The following RPRD2 variants were observed in gnomAD, a reference collection of about 807,000 sequenced individuals.
RPRD2 encodes the protein regulation of nuclear pre-mRNA domain-containing protein 2.
RPRD2 carries 12 observed loss-of-function variants against 104.4 expected under a neutral mutation model. The observed-to-expected ratio is 0.11, with a 90% confidence interval of 0.07 to 0.19. The LOEUF (loss-of-function observed/expected upper bound fraction) is 0.19. RPRD2 is among the 10% of genes least tolerant of loss of function. The probability of loss-of-function intolerance (pLI) is 1.00; values close to 1 mark genes in which losing one functional copy is unlikely to be tolerated. For synonymous variants in RPRD2, 714 were observed against 684.9 expected, an observed-to-expected ratio of 1.04 and a Z score of -0.66; for missense variants, 1,543 against 1,790.1, an observed-to-expected ratio of 0.86 and a Z score of 2.49.
rs1553899570 is a variant in RPRD2 at position 150,464,741 on chromosome 1, G to C, written c.1612+14G>C. The C allele has an allele frequency of 1.3e-6, 2 of 1,595,910 alleles. No individual in the cohort carries two copies. The highest frequency in any genetic ancestry group is 1.7e-6 in the Non-Finnish European group (2 of 1,167,124). ...CTGCACTGCAAGGTAACTGACATAT[G>C]CCAGAGGGACTCGAATTGTGAATGT... is the stretch of plus-strand genomic sequence containing the variant. On this transcript the variant is annotated intron_variant, in intron 10 of 10. Coordinates refer to ENST00000369068, the MANE Select transcript of RPRD2 (RefSeq NM_015203.5).
At chr1:150,395,730 C>T (rs1302471972) in intron 1 of RPRD2, among the ~76,000 whole-genome samples, 2 of 152,022 alleles carry the variant, frequency 1.3e-5, no homozygotes, top group African/African-American at 2.4e-5. Context: ...AGGCTGGTCT[C>T]GAACTCCTGA....
chr1:150,364,700 G>A lies in RPRD2; in HGVS notation c.-15G>A. ...CGCCGCCAGAGGAGCAGCAGCGCTT[G>A]TGCAAACCGGGAAGATGGCGGCCGG... On this transcript the variant is annotated 5_prime_UTR_variant, in exon 1 of 11. The change creates a new upstream start codon in the 5' untranslated region. Transcript: ENST00000369068. The A allele has an allele frequency of 6.6e-7, 1 of 1,526,574 alleles. No individual in the cohort carries two copies. The highest frequency in any genetic ancestry group is 2.0e-5 in the Admixed American group (1 of 50,764). The allele number at this position is 1,526,574 out of a possible 1,614,324, so 94.6% of individuals were successfully genotyped here. A position where few individuals can be genotyped will look rare whatever the true frequency, so the allele number is the denominator to read the frequency against.
intron 10 of RPRD2, 108 bp from the exon 11 acceptor site, chr1:150,470,453 C>T: frequency 8.6e-7 from 1 of 1,163,660 alleles, no homozygotes; most frequent in Non-Finnish European, 1.2e-6. Context: ...TACACTTTGT[C>T]TATCTGGTTC....
chr1:150,438,370 A>G (rs1354397261), intron 2 of RPRD2, among the ~76,000 whole-genome samples: 1 of 152,052 alleles, frequency 6.6e-6, no homozygotes, highest in Non-Finnish European at 1.5e-5. Context: ...TCACACCTGT[A>G]ATCCCAGCAC....
intron 7 of RPRD2, among the ~76,000 whole-genome samples, chr1:150,450,546 C>T (rs1667090179): frequency 7.4e-6 from 1 of 134,880 alleles, no homozygotes; most frequent in Non-Finnish European, 1.5e-5. Context: ...GCGGAGCTTG[C>T]AGTGAGCCGA....
intron 10 of RPRD2, among the ~76,000 whole-genome samples, chr1:150,465,796 C>T (rs896610503): frequency 2.0e-5 from 3 of 152,062 alleles, no homozygotes; most frequent in Non-Finnish European, 2.9e-5. Flanking sequence ...CAGTTGCTCA[C>T]GCCTGTAATC....
chr1:150,391,831 C>G (rs1553883201), intron 1 of RPRD2, among the ~76,000 whole-genome samples: 14 of 152,006 alleles, frequency 9.2e-5, no homozygotes. Flanking sequence ...TCACTTGAAC[C>G]TGGGAGGCAG....
chr1:150,461,415 A>C (rs1195272313), intron 9 of RPRD2, among the ~76,000 whole-genome samples: 1 of 152,244 alleles, frequency 6.6e-6, no homozygotes. Context: ...TAGCTATTTA[A>C]AAGTTAATTA....
chr1:150,428,484 T>C (rs910215897), intron 2 of RPRD2, among the ~76,000 whole-genome samples: 1 of 147,752 alleles, frequency 6.8e-6, no homozygotes, highest in Non-Finnish European at 1.5e-5. Flanking sequence ...AAAAAATCTA[T>C]CCTCATTCAC....
At chr1:150,452,661 C>CCTTTTTTTT (rs1553896876) in intron 7 of RPRD2, among the ~76,000 whole-genome samples, 1 of 71,220 alleles carries the variant, frequency 1.4e-5, no homozygotes, top group African/African-American at 5.7e-5. Flanking sequence ...GACATATCCC[C>CCTTTTTTTT]TTTTTTTTTT....
intron 1 of RPRD2, among the ~76,000 whole-genome samples, chr1:150,380,902 G>T (rs1043497730): frequency 6.6e-6 from 1 of 152,068 alleles, no homozygotes; most frequent in Non-Finnish European, 1.5e-5. Context: ...TGATCTGCCC[G>T]GCTTGGCCTC....
At chr1:150,423,888 G>A (rs1282085149) in intron 2 of RPRD2, among the ~76,000 whole-genome samples, 1 of 151,828 alleles carries the variant, frequency 6.6e-6, no homozygotes, top group Non-Finnish European at 1.5e-5. Context: ...CGCCTCCTGG[G>A]TTCAAGCAGT....
intron 1 of RPRD2, among the ~76,000 whole-genome samples, chr1:150,381,925 A>G (rs979314678): frequency 3.9e-5 from 6 of 152,188 alleles, no homozygotes; most frequent in Admixed American, 1.3e-4. Context: ...TATGGTTGCT[A>G]CTAACCTCTG....
intron 1 of RPRD2, among the ~76,000 whole-genome samples, chr1:150,412,320 A>C (rs1252697644): frequency 6.6e-6 from 1 of 152,140 alleles, no homozygotes; most frequent in Non-Finnish European, 1.5e-5. Context: ...AGAATTTCCA[A>C]AGTGCTCTGA....
rs782714287 is a variant in RPRD2 at position 150,417,550 on chromosome 1, C to T, written c.206-46C>T. ...TATTTGGAATAAGTTGAACTAAGTG[C>T]AAATTGACTCATTTGGTTTTATTTA... On this transcript the variant is annotated intron_variant, in intron 1 of 10. Transcript: ENST00000369068. 1.0e-4 allele frequency: 145 copies of T among 1,433,468 alleles called. 2 individuals are homozygous for T. In the South Asian group the frequency reaches 2.2e-3, roughly 22 times the overall value. The allele number at this position is 1,433,468 out of a possible 1,614,324, so 88.8% of individuals were successfully genotyped here.
At chr1:150,365,653 G>A (rs1425453612) in intron 1 of RPRD2, among the ~76,000 whole-genome samples, 1 of 152,016 alleles carries the variant, frequency 6.6e-6, no homozygotes, top group Non-Finnish European at 1.5e-5. Flanking sequence ...GCAGTGGCGC[G>A]ATCTCGGCTC....
intron 2 of RPRD2, among the ~76,000 whole-genome samples, chr1:150,437,121 G>A (rs1553893328): frequency 6.6e-6 from 1 of 152,144 alleles, no homozygotes; most frequent in African/African-American, 2.4e-5. Context: ...TCTGGGCAAA[G>A]GAAATTGAAA....
intron 3 of RPRD2, 51 bp from the exon 4 acceptor site, chr1:150,441,830 A>G (rs898677291): frequency 5.1e-6 from 7 of 1,378,058 alleles, no homozygotes; most frequent in African/African-American, 2.8e-5. Context: ...AAGTGGACAG[A>G]CAGAACAGCT....
At chr1:150,432,459 G>T (rs1399308533) in intron 2 of RPRD2, among the ~76,000 whole-genome samples, 2 of 152,030 alleles carry the variant, frequency 1.3e-5, no homozygotes, top group African/African-American at 2.4e-5. Flanking sequence ...GTATTAAGAG[G>T]TGGAGCCTTT....
Sources: allele counts gnomAD v4.1 joint callset (sites outside exome capture counted in the v4.1 genomes callset), GRCh38; gene constraint gnomAD v4.1.1; transcripts MANE v1.5; gene names NCBI Gene and HGNC (gene_info 2026-07-23, HGNC 2026-07-21).